The following B3GALT1 variants were observed in gnomAD, a reference collection of about 807,000 sequenced individuals.
B3GALT1 encodes the protein beta-1,3-galactosyltransferase 1, also known as UDP-Gal:betaGlcNAc beta 1,3-galactosyltransferase, polypeptide 1.
Under a neutral mutation model 23.2 loss-of-function variants are expected in B3GALT1, and 10 were observed. That is an observed-to-expected ratio of 0.43 (90% CI 0.27 to 0.73). B3GALT1 has a LOEUF of 0.73. Among genes scored for constraint, B3GALT1 ranks in the 30% least tolerant of loss-of-function variants. The pLI is 0.21. For synonymous variants in B3GALT1, 156 were observed against 141.5 expected (o/e 1.10, Z -0.73); for missense variants, 299 against 405.4 (o/e 0.74, Z 2.25).
At chr2:167,358,368 T>G (rs1697449435) in intron 1 of B3GALT1, among the ~76,000 whole-genome samples, 1 of 152,210 alleles carries the variant, frequency 6.6e-6, no homozygotes, top group Non-Finnish European at 1.5e-5. Flanking sequence ...ATTGATTACA[T>G]CGGCAGATTA....
chr2:167,425,167 G>A (rs1488558388), intron 1 of B3GALT1, among the ~76,000 whole-genome samples: 1 of 152,212 alleles, frequency 6.6e-6, no homozygotes, highest in Non-Finnish European at 1.5e-5. Context: ...AGAGCCTGCA[G>A]AGTCTTTGTT....
At chr2:167,361,159 T>G (rs917240676) in intron 1 of B3GALT1, among the ~76,000 whole-genome samples, 1 of 152,110 alleles carries the variant, frequency 6.6e-6, no homozygotes, top group African/African-American at 2.4e-5. Context: ...GAATAGTGCT[T>G]CAGTAAACAT....
chr2:167,857,083 T>C (rs560050988), intron 4 of B3GALT1, among the ~76,000 whole-genome samples: 5 of 152,292 alleles, frequency 3.3e-5, no homozygotes, highest in African/African-American at 1.2e-4. Flanking sequence ...ATAACAGAGC[T>C]ACCACCAGTT....
chr2:167,440,344 G>GAAAAAAA (rs745706207), intron 1 of B3GALT1, among the ~76,000 whole-genome samples: 10 of 70,132 alleles, frequency 1.4e-4, no homozygotes, highest in African/African-American at 4.2e-4. Flanking sequence ...GACTCTGTCT[G>GAAAAAAA]AAAAAAAAAA....
chr2:167,663,482 G>A (rs1278550555), intron 3 of B3GALT1, among the ~76,000 whole-genome samples: 1 of 152,120 alleles, frequency 6.6e-6, no homozygotes, highest in East Asian at 1.9e-4. Context: ...GCCCAGTAAT[G>A]GGGTGGCTGG....
chr2:167,812,313 C>T (rs1486723529), intron 3 of B3GALT1, among the ~76,000 whole-genome samples: 3 of 152,180 alleles, frequency 2.0e-5, no homozygotes, highest in Non-Finnish European at 4.4e-5. Flanking sequence ...TTTGTACATA[C>T]GCCCTGGAAT....
intron 3 of B3GALT1, among the ~76,000 whole-genome samples, chr2:167,669,626 A>T (rs1658623039): frequency 1.3e-5 from 2 of 152,262 alleles, no homozygotes; most frequent in African/African-American, 4.8e-5. Context: ...AAATGTATCT[A>T]AAATTTATCA....
intron 2 of B3GALT1, among the ~76,000 whole-genome samples, chr2:167,522,968 A>G (rs766272572): frequency 4.1e-4 from 63 of 152,238 alleles, no homozygotes; most frequent in Middle Eastern, 3.4e-3. Flanking sequence ...TTTCCAATCT[A>G]GGACCAGCCA....
chr2:167,496,764 G>A (rs2105345781), intron 2 of B3GALT1, among the ~76,000 whole-genome samples: 1 of 152,258 alleles, frequency 6.6e-6, no homozygotes, highest in Non-Finnish European at 1.5e-5. Context: ...CCTCAGGAAT[G>A]GTATTAGTGC....
rs574309589 is a variant in B3GALT1, at chr2:167,769,351, T to G, written c.-351-49321T>G. Among the ~76,000 whole-genome samples the G allele has an allele frequency of 2.0e-5, 3 of 152,364 alleles. No individual in the cohort carries two copies. The South Asian group carries it at 6.2e-4, about 32-fold the overall frequency. On this transcript the variant is annotated intron_variant, in intron 3 of 4. Coordinates refer to ENST00000392690, the MANE Select transcript of B3GALT1 (RefSeq NM_020981.4). ...ACCAAAGCTAACCAAGGAAGTCTTATGCTGAGTTACATCAATCTCAGTGCC... is the reference window on the plus strand; with the variant it reads ...ACCAAAGCTAACCAAGGAAGTCTTAGGCTGAGTTACATCAATCTCAGTGCC...
At chr2:167,628,069 G>C (rs976383029) in intron 2 of B3GALT1, among the ~76,000 whole-genome samples, 4 of 151,602 alleles carry the variant, frequency 2.6e-5, no homozygotes, top group Admixed American at 6.6e-5. Flanking sequence ...TATTATTATT[G>C]CAATTTGAGA....
At chr2:167,574,355 T>A (rs1455578819) in intron 2 of B3GALT1, among the ~76,000 whole-genome samples, 1 of 151,740 alleles carries the variant, frequency 6.6e-6, no homozygotes, top group African/African-American at 2.4e-5. Context: ...AATTCCCTTT[T>A]TCTTAGCATA....
intron 1 of B3GALT1, among the ~76,000 whole-genome samples, chr2:167,317,328 C>A (rs1696735179): frequency 6.6e-6 from 1 of 152,096 alleles, no homozygotes; most frequent in African/African-American, 2.4e-5. Context: ...TGAAGGGAAT[C>A]ATGTGCAAAT....
chr2:167,362,951 G>A (rs945240871), intron 1 of B3GALT1, among the ~76,000 whole-genome samples: 4 of 152,152 alleles, frequency 2.6e-5, no homozygotes, highest in African/African-American at 9.7e-5. Context: ...TGCCACACGG[G>A]TTCAGGTGAT....
Position 167,469,922 on chromosome 2 carries a change from A to G in B3GALT1, c.-510-20255A>G, listed in dbSNP as rs550313751. ...GATATTATGTTTACTTATTAATAGC[A>G]AATTGTATAAATTTTTTAGGACCTG... On this transcript the variant is annotated intron_variant, in intron 1 of 4. Transcript: ENST00000392690. Among the ~76,000 whole-genome samples the G allele has an allele frequency of 6.6e-5, 10 of 152,312 alleles. No homozygotes were observed. In the South Asian group the frequency reaches 2.1e-3, roughly 32 times the overall value.
At chr2:167,387,417 G>A (rs1203526483) in intron 1 of B3GALT1, among the ~76,000 whole-genome samples, 5 of 152,122 alleles carry the variant, frequency 3.3e-5, no homozygotes, top group East Asian at 3.9e-4. Flanking sequence ...GAGGCGATAT[G>A]TTATCTCATC....
chr2:167,415,935 C>T (rs1698461975), intron 1 of B3GALT1, among the ~76,000 whole-genome samples: 1 of 152,008 alleles, frequency 6.6e-6, no homozygotes, highest in South Asian at 2.1e-4. Flanking sequence ...TACTTTTAAC[C>T]ACTTACATTA....
chr2:167,530,020 G>C (rs1027657456), intron 2 of B3GALT1, among the ~76,000 whole-genome samples: 4 of 152,204 alleles, frequency 2.6e-5, no homozygotes, highest in Middle Eastern at 3.4e-3. Context: ...GACTCTACTT[G>C]TCTAGCTCCT....
At chr2:167,446,535 C>G (rs1698996025) in intron 1 of B3GALT1, among the ~76,000 whole-genome samples, 1 of 152,124 alleles carries the variant, frequency 6.6e-6, no homozygotes, top group African/African-American at 2.4e-5. Flanking sequence ...TCACATGGTC[C>G]CATATTTCTT....
Sources: allele counts gnomAD v4.1 joint callset (sites outside exome capture counted in the v4.1 genomes callset), GRCh38; gene constraint gnomAD v4.1.1; transcripts MANE v1.5; gene names NCBI Gene and HGNC (gene_info 2026-07-23, HGNC 2026-07-21).